ERBIN: variants seen among roughly 807,000 people sequenced by gnomAD.
ERBIN encodes densin-180-like protein.
ERBIN carries 60 observed loss-of-function variants against 158.4 expected under a neutral mutation model. The observed-to-expected ratio is 0.38, with a 90% CI of 0.31 to 0.47. The LOEUF (loss-of-function observed/expected upper bound fraction) is 0.47, where lower values mean the gene tolerates loss of function less well. ERBIN is among the 20% of genes least tolerant of loss of function. The probability of loss-of-function intolerance (pLI) is 0.99; values close to 1 mark genes in which losing one functional copy is unlikely to be tolerated. For synonymous variants in ERBIN, 594 were observed against 557.2 expected (o/e 1.07, Z -0.93); for missense variants, 1,610 against 1,648.0 (o/e 0.98, Z 0.40).
chr5:66,072,720 G>A (rs1016212303), intron 22 of ERBIN, among the ~76,000 whole-genome samples: 5 of 152,094 alleles, frequency 3.3e-5, no homozygotes, highest in Admixed American at 6.5e-5. Flanking sequence ...AAAGACTTTT[G>A]TATATGGTAG....
At position 66,054,404 on chromosome 5, in the gene ERBIN, A is replaced by G; in HGVS notation, c.3086A>G (p.Asn1029Ser). ...QSYAKHSANM[N>S]FSNHNNVRAN... ...TATGCTAAACATTCTGCCAATATGA[A>G]TTTCTCTAATCATAACAATGTTCGA... Residue 1029 changes from asparagine to serine, a missense_variant, in exon 21 of 26, where the codon AAT (asparagine) becomes AGT (serine). This residue lies in a region of ERBIN where 1,014 missense variants were observed against 936.1 expected (regional missense o/e 1.08). Transcript: ENST00000284037. 1 of 1,614,144 alleles carries G rather than the reference A, an allele frequency of 6.2e-7. No homozygotes were observed.
chr5:65,955,416 G>A (rs1010721645), intron 1 of ERBIN, among the ~76,000 whole-genome samples: 1 of 152,130 alleles, frequency 6.6e-6, no homozygotes, highest in Admixed American at 6.5e-5. Flanking sequence ...GATCACTTGA[G>A]GTCAGGAGTT....
chr5:66,038,305 G>GT, intron 14 of ERBIN, 78 bp from the exon 15 acceptor site: 1 of 865,128 alleles, frequency 1.2e-6, no homozygotes, highest in Non-Finnish European at 1.8e-6. Context: ...AAAGTGGTGT[G>GT]TACTTATGCA....
intron 1 of ERBIN, among the ~76,000 whole-genome samples, chr5:65,940,538 C>T (rs1314991677): frequency 1.4e-5 from 2 of 140,428 alleles, no homozygotes; most frequent in Admixed American, 6.8e-5. Context: ...GCCCCCTGCC[C>T]GGCCAGCCGC....
intron 1 of ERBIN, among the ~76,000 whole-genome samples, chr5:65,945,122 A>G (rs1299945449): frequency 6.6e-6 from 1 of 152,230 alleles, no homozygotes; most frequent in Admixed American, 6.5e-5. Flanking sequence ...TAGGAGTGGA[A>G]GAATCGTGGA....
chr5:65,979,247 T>G (rs1436112422), intron 1 of ERBIN, among the ~76,000 whole-genome samples: 1 of 151,190 alleles, frequency 6.6e-6, no homozygotes, highest in Non-Finnish European at 1.5e-5. Flanking sequence ...GGCAACATAG[T>G]GGGACCCTGT....
intron 14 of ERBIN, among the ~76,000 whole-genome samples, chr5:66,034,484 A>G (rs1757196150): frequency 6.6e-6 from 1 of 151,860 alleles, no homozygotes; most frequent in Admixed American, 6.6e-5. Flanking sequence ...ACGGAGTTTC[A>G]CCATGTTGGC....
At chr5:66,034,931 G>T (rs1445104094) in intron 14 of ERBIN, among the ~76,000 whole-genome samples, 1 of 152,114 alleles carries the variant, frequency 6.6e-6, no homozygotes, top group African/African-American at 2.4e-5. Context: ...TCAAAGACAG[G>T]AGTAAATGGT....
chr5:65,953,135 C>G (rs1415694849), intron 1 of ERBIN, among the ~76,000 whole-genome samples: 1 of 152,146 alleles, frequency 6.6e-6, no homozygotes, highest in South Asian at 2.1e-4. Flanking sequence ...CTCCACTGCT[C>G]GTTACTACAA....
chr5:65,931,177 C>A (rs191404163), intron 1 of ERBIN, among the ~76,000 whole-genome samples: 1 of 152,332 alleles, frequency 6.6e-6, no homozygotes, highest in East Asian at 1.9e-4. Context: ...TTAATCACAA[C>A]AGGTATGACA....
Position 65,931,819 on chromosome 5 carries a change from C to CTT in ERBIN, c.-58+5029_-58+5030dup, listed in dbSNP as rs36048820. On this transcript the variant is annotated intron_variant, in intron 1 of 25. Coordinates refer to ENST00000284037, the MANE Select transcript of ERBIN (RefSeq NM_001253697.2). ...GAGGAAGATTTTCTTTCTTTTCTTTCTTTTTTTTTTTTTTTTTGAGATGGA... is the reference window on the plus strand; with the variant it reads ...GAGGAAGATTTTCTTTCTTTTCTTTCTTTTTTTTTTTTTTTTTTTGAGATGGA... 1.6e-3 allele frequency among the ~76,000 whole-genome samples: 210 copies of CTT among 131,900 alleles called. 2 individuals carry two copies. The highest frequency in any genetic ancestry group is 2.5e-3 in the Non-Finnish European group (158 of 62,190). 86.5% of individuals were successfully genotyped at this position (131,900 alleles called of 152,430 possible).
Position 66,079,419 on chromosome 5 carries a change from T to C in ERBIN, c.*889T>C, listed in dbSNP as rs1281934346. On this transcript the variant is annotated 3_prime_UTR_variant, in exon 26 of 26. Transcript: ENST00000284037. ...GTGGTACTTGCAATCTGTTTTATAA[T>C]TAGTGCTCCATTTAAATCTAATTTA... 6.6e-6 allele frequency: 1 copy of C among 152,402 alleles called. No homozygotes were observed. Among genetic ancestry groups the C allele is most frequent in the East Asian group, 1.9e-4 (1 of 5,192 alleles). The allele number at this position is 152,402 out of a possible 1,614,324, so 9.4% of individuals were successfully genotyped here. A position where few individuals can be genotyped will look rare whatever the true frequency, so the allele number is the denominator to read the frequency against.
In ERBIN at chr5:66,025,538, A is replaced by G. The variant is rs143695017; in HGVS notation, c.876A>G (p.Pro292=). 7.4e-4 allele frequency: 1,194 copies of G among 1,612,052 alleles called. 1 individual carries two copies. Among genetic ancestry groups the G allele is most frequent in the Non-Finnish European group, 8.7e-4 (1,021 of 1,178,402 alleles). ...ATGAAAACCAGTTAATGTATCTGCC[A>G]GACTCTATAGGAGGGTAAGTTTTTT... ...KIDENQLMYL[P]DSIGGLISVE... Residue 292 remains proline (P), a synonymous_variant, in exon 11 of 26, where the codon CCA becomes CCG. Transcript: ENST00000284037.
At position 66,059,539 on chromosome 5, in the gene ERBIN, T is replaced by A. The variant is rs191160657; in HGVS notation, c.3633+4588T>A. Among the ~76,000 whole-genome samples the A allele has an allele frequency of 1.9e-3, 283 of 152,302 alleles. 3 individuals carry two copies. In the South Asian group the frequency reaches 0.039, roughly 21 times the overall value. Reference sequence around the variant, plus strand: ...TTGAATACCCTTTATTTCCTTCTCCTGCCTGATTACCCTGGCCAGAATTTC... The same window carrying A: ...TTGAATACCCTTTATTTCCTTCTCCAGCCTGATTACCCTGGCCAGAATTTC... On this transcript the variant is annotated intron_variant, in intron 21 of 25. Transcript: ENST00000284037.
chr5:66,054,441 A>G lies in ERBIN; in HGVS notation c.3123A>G (p.Ala1041=), dbSNP rs200046111. 1.5e-5 allele frequency: 24 copies of G among 1,614,182 alleles called. 1 individual carries two copies. The East Asian group carries it at 4.5e-4, about 30-fold the overall frequency. The part of the protein sequence containing the change: ...SNHNNVRANT[A]YHLHQRLGPA... Reference sequence around the variant, plus strand: ...ATAACAATGTTCGAGCTAATACTGCATACCATTTACATCAGAGACTTGGCC... The same window carrying G: ...ATAACAATGTTCGAGCTAATACTGCGTACCATTTACATCAGAGACTTGGCC... Residue 1041 remains alanine, a synonymous_variant, in exon 21 of 26, where the codon GCA becomes GCG. Coordinates refer to ENST00000284037, the MANE Select transcript of ERBIN (RefSeq NM_001253697.2).
intron 1 of ERBIN, among the ~76,000 whole-genome samples, chr5:65,979,521 GA>G (rs1220812819): frequency 2.0e-5 from 3 of 152,160 alleles, no homozygotes; most frequent in Admixed American, 6.5e-5. Context: ...AACATACAAA[GA>G]CCTGGAAAAG....
intron 21 of ERBIN, among the ~76,000 whole-genome samples, chr5:66,063,583 C>A (rs1760683984): frequency 6.6e-6 from 1 of 152,132 alleles, no homozygotes; most frequent in Non-Finnish European, 1.5e-5. Context: ...GTGAGATGAA[C>A]CCGGTACCTC....
intron 1 of ERBIN, among the ~76,000 whole-genome samples, chr5:65,949,276 T>C (rs1214804326): frequency 6.6e-6 from 1 of 152,168 alleles, no homozygotes; most frequent in Non-Finnish European, 1.5e-5. Context: ...CTGAAAATAC[T>C]AAAGAATATG....
At chr5:66,065,590 CCTGTGTGTGTGTGTGTG>C (rs1165361757) in intron 21 of ERBIN, among the ~76,000 whole-genome samples, 36 of 109,484 alleles carry the variant, frequency 3.3e-4, no homozygotes, top group African/African-American at 1.0e-3. Flanking sequence ...TTAATTTTGA[CCTGTGTGTGTGTGTGTG>C]TGTGTGTGTG....
Sources: gnomAD v4.1 joint callset for allele counts (sites outside exome capture counted in the v4.1 genomes callset) on GRCh38, gnomAD v4.1.1 for gene constraint, gnomAD v4.1.1 regional missense constraint, MANE v1.5 for transcripts, NCBI Gene and HGNC (gene_info 2026-07-23, HGNC 2026-07-21) for gene names.